The following CREBBP variants were observed in gnomAD, a reference collection of about 807,000 sequenced individuals.
CREBBP encodes CREB binding lysine acetyltransferase, also known as CREB-binding protein.
A neutral mutation model predicts 265.0 loss-of-function variants in CREBBP; 19 were observed. The observed-to-expected ratio is 0.07, with a 90% CI of 0.05 to 0.11. The LOEUF (loss-of-function observed/expected upper bound fraction) is 0.11, where lower values mean the gene tolerates loss of function less well. CREBBP is among the 10% of genes least tolerant of loss of function. CREBBP has a pLI of 1.00. For missense variants in CREBBP, 2,525 were observed against 3,219.0 expected (o/e 0.78, Z 5.22); for synonymous variants, 1,457 against 1,223.7 (o/e 1.19, Z -3.98).
intron 1 of CREBBP, among the ~76,000 whole-genome samples, chr16:3,862,478 G>A (rs1263574605): frequency 3.9e-5 from 6 of 152,150 alleles, no homozygotes; most frequent in East Asian, 1.9e-4. Context: ...TTAATAAACC[G>A]AATTGTCTTA....
rs758109264 is a variant in CREBBP, at chr16:3,731,756, G to C, written c.4890+20C>G. ...CCTCCCGGCCAGAGGCACGGCTGCAGCACCGCAGCCCACGCCTACCTCCTT... is the reference window on the plus strand; with the variant it reads ...CCTCCCGGCCAGAGGCACGGCTGCACCACCGCAGCCCACGCCTACCTCCTT... On this transcript the variant is annotated intron_variant, in intron 29 of 30. Transcript: ENST00000262367. This position sits in a 1 kb window ranked among gnomAD's most constrained non-coding sequence, Gnocchi z 7.7. 1 of 1,614,124 alleles carries C rather than the reference G, an allele frequency of 6.2e-7. No homozygotes were observed. Among genetic ancestry groups the C allele is most frequent in the Non-Finnish European group, 8.5e-7 (1 of 1,180,020 alleles).
chr16:3,768,322 T>C (rs1255604604), intron 15 of CREBBP, among the ~76,000 whole-genome samples: 2 of 151,988 alleles, frequency 1.3e-5, no homozygotes, highest in East Asian at 1.9e-4. Flanking sequence ...ATTTTTTATA[T>C]TCTTGGTAGA....
chr16:3,871,829 T>C (rs563859127), intron 1 of CREBBP, among the ~76,000 whole-genome samples: 47 of 152,302 alleles, frequency 3.1e-4, no homozygotes, highest in African/African-American at 9.1e-4. Context: ...ATTCGAAAGG[T>C]TGAATTAGGT....
At chr16:3,800,495 A>G (rs988579222) in intron 3 of CREBBP, among the ~76,000 whole-genome samples, 13 of 152,056 alleles carry the variant, frequency 8.5e-5, no homozygotes, top group African/African-American at 2.4e-4. Context: ...TTTTTAATTT[A>G]GACTTTTCCC....
intron 1 of CREBBP, among the ~76,000 whole-genome samples, chr16:3,855,983 G>A (rs143660213): frequency 4.6e-5 from 7 of 152,326 alleles, no homozygotes; most frequent in African/African-American, 1.7e-4. Flanking sequence ...GTTTGAGGTG[G>A]TAGATATCCT....
At chr16:3,827,966 G>A (rs778878380) in intron 2 of CREBBP, among the ~76,000 whole-genome samples, 3 of 152,148 alleles carry the variant, frequency 2.0e-5, no homozygotes, top group Non-Finnish European at 4.4e-5. Context: ...TGTTGGGATT[G>A]CAGGTGTGAA....
chr16:3,771,068 A>G (rs2141205538), intron 13 of CREBBP, 82 bp from the exon 14 acceptor site: 1 of 1,537,290 alleles, frequency 6.5e-7, no homozygotes, highest in Non-Finnish European at 8.9e-7. Context: ...TAAATGTATG[A>G]AAAAAAAATT....
chr16:3,775,770 A>T (rs868199749), intron 11 of CREBBP, among the ~76,000 whole-genome samples: 1 of 152,186 alleles, frequency 6.6e-6, no homozygotes, highest in South Asian at 2.1e-4. Context: ...ACTAGAAAAC[A>T]TCTATTCCAA....
Position 3,729,689 on chromosome 16 carries a change from G to A in CREBBP, c.5358C>T (p.Arg1786=), listed in dbSNP as rs1335648851. The change falls in exon 31 of 31, where the codon CGC becomes CGT. Residue 1786 remains arginine (R), a synonymous_variant. Transcript: ENST00000262367. ...AGGATGGCAGCGAGCAGTTGGCGTT[G>A]CGGCACTGGCACGCGTGCACCAGCG... ...IQSLVHACQC[R]NANCSLPSCQ... 6.2e-7 allele frequency: 1 copy of A among 1,612,938 alleles called. No homozygotes were observed.
chr16:3,799,203 G>A (rs796845235), intron 3 of CREBBP, among the ~76,000 whole-genome samples: 14 of 152,256 alleles, frequency 9.2e-5, no homozygotes, highest in African/African-American at 3.4e-4. Flanking sequence ...AATGGTACTA[G>A]GTTTCTCTTT....
In CREBBP at chr16:3,789,617, C is replaced by T. The variant is rs183213964; in HGVS notation, c.1330+2364G>A. 6.8e-4 allele frequency among the ~76,000 whole-genome samples: 104 copies of T among 152,238 alleles called. 2 individuals carry two copies. The highest frequency in any genetic ancestry group is 2.3e-3 in the African/African-American group (97 of 41,542). ...TCTGGGTTCCTAACTCAAGAGTTCA[C>T]ACACGATAAGCATAATTTGCTTTGG... On this transcript the variant is annotated intron_variant, in intron 5 of 30. Coordinates refer to ENST00000262367, the MANE Select transcript of CREBBP (RefSeq NM_004380.3).
Position 3,736,108 on chromosome 16 carries a change from G to A in CREBBP, c.4656C>T (p.Ser1552=), listed in dbSNP as rs775211282. Residue 1552 remains serine (S), a synonymous_variant, in exon 28 of 31, where the codon AGC becomes AGT. Coordinates refer to ENST00000262367, the MANE Select transcript of CREBBP (RefSeq NM_004380.3). ...GDFWPNVLEE[S]IKELEQEEEE... Reference sequence around the variant, plus strand: ...CTTCTTCTTGTTCTAGTTCCTTAATGCTCTCTTCTAACACATTGGGCCAGA... The same window carrying A: ...CTTCTTCTTGTTCTAGTTCCTTAATACTCTCTTCTAACACATTGGGCCAGA... 5.0e-6 allele frequency: 8 copies of A among 1,614,030 alleles called. No individual in the cohort carries two copies. In the African/African-American group the frequency reaches 8.0e-5, roughly 16 times the overall value.
chr16:3,815,426 C>T (rs987869717), intron 2 of CREBBP, among the ~76,000 whole-genome samples: 2 of 149,162 alleles, frequency 1.3e-5, no homozygotes. Flanking sequence ...TATAATCCCA[C>T]GATGAGCCAG....
In CREBBP at chr16:3,726,564, T is replaced by C. The variant is rs2051752462; in HGVS notation, c.*1154A>G. ...CTATGAGCGAACAACCAGAACCATG[T>C]CTTACAAAGAACAGACTCAAAAAAT... On this transcript the variant is annotated 3_prime_UTR_variant, in exon 31 of 31. Coordinates refer to ENST00000262367, the MANE Select transcript of CREBBP (RefSeq NM_004380.3). 4.3e-6 allele frequency: 1 copy of C among 233,512 alleles called. No homozygotes were observed. The highest frequency in any genetic ancestry group is 8.5e-6 in the Non-Finnish European group (1 of 118,046). The allele number at this position is 233,512 out of a possible 1,614,324, so 14.5% of individuals were successfully genotyped here.
At position 3,866,328 on chromosome 16, in the gene CREBBP, T is replaced by G. The variant is rs375381478; in HGVS notation, c.85+13504A>C. ...CAAATCAATGAAGAAACCTCTAATA[T>G]AAAGATGATGTTAAAAATGGAGCTT... On this transcript the variant is annotated intron_variant, in intron 1 of 30. Coordinates refer to ENST00000262367, the MANE Select transcript of CREBBP (RefSeq NM_004380.3). Among the ~76,000 whole-genome samples, 12 of 152,276 alleles carry G rather than the reference T, an allele frequency of 7.9e-5. No individual in the cohort carries two copies. The South Asian group carries it at 1.0e-3, about 13-fold the overall frequency.
chr16:3,767,485 G>A lies in CREBBP; in HGVS notation c.3250+235C>T, dbSNP rs1006110487. 6.6e-6 allele frequency: 4 copies of A among 601,724 alleles called. No homozygotes were observed. In the South Asian group the frequency reaches 8.0e-5, roughly 12 times the overall value. The allele number at this position is 601,724 out of a possible 1,614,324, so 37.3% of individuals were successfully genotyped here. A position where few individuals can be genotyped will look rare whatever the true frequency, so the allele number is the denominator to read the frequency against. On this transcript the variant is annotated intron_variant, in intron 16 of 30. Transcript: ENST00000262367. ...CATCAGAAGACAGCTCTGCAGCCTGGGTGCCCTCGGAGCAGCAGCTCATCT... is the reference window on the plus strand; with the variant it reads ...CATCAGAAGACAGCTCTGCAGCCTGAGTGCCCTCGGAGCAGCAGCTCATCT...
chr16:3,866,587 G>A (rs878892577), intron 1 of CREBBP, among the ~76,000 whole-genome samples: 2 of 151,684 alleles, frequency 1.3e-5, no homozygotes, highest in African/African-American at 4.8e-5. Flanking sequence ...AAAATGTTTT[G>A]TTTTGAATTT....
At chr16:3,829,056 CAA>C (rs535835505) in intron 2 of CREBBP, among the ~76,000 whole-genome samples, 2 of 131,278 alleles carry the variant, frequency 1.5e-5, no homozygotes, top group African/African-American at 5.5e-5. Flanking sequence ...TTGAAAAATG[CAA>C]AAAAAAAAAA....
intron 1 of CREBBP, among the ~76,000 whole-genome samples, chr16:3,864,585 C>T (rs899328021): frequency 1.8e-4 from 28 of 152,110 alleles, no homozygotes; most frequent in African/African-American, 6.8e-4. Flanking sequence ...GAGATGGAGG[C>T]TACAGTGAGT....
Sources: gnomAD v4.1 joint callset for allele counts (sites outside exome capture counted in the v4.1 genomes callset) on GRCh38, gnomAD v4.1.1 for gene constraint, Gnocchi (gnomAD v3.1) non-coding constraint, MANE v1.5 for transcripts, NCBI Gene and HGNC (gene_info 2026-07-23, HGNC 2026-07-21) for gene names.